TBCA: variants seen among roughly 807,000 people sequenced by gnomAD.
The protein encoded by TBCA is tubulin-specific chaperone A.
Under a neutral mutation model 15.8 loss-of-function variants are expected in TBCA, and 6 were observed. That is an observed-to-expected ratio of 0.38 (90% CI 0.21 to 0.75). The LOEUF is 0.75. Ranked by LOEUF, TBCA falls within the 30% of genes least tolerant of loss-of-function variation. The pLI is 0.46. For synonymous variants in TBCA, 32 were observed against 42.3 expected (o/e 0.76, Z 0.94); for missense variants, 90 against 131.2 (o/e 0.69, Z 1.53).
chr5:77,717,103 C>G (rs901470019), intron 1 of TBCA, among the ~76,000 whole-genome samples: 1 of 152,182 alleles, frequency 6.6e-6, no homozygotes, highest in African/African-American at 2.4e-5. Flanking sequence ...CCTAAAAAGA[C>G]AGGTCAATCT....
rs905036849 is a variant in TBCA at position 77,708,468 on chromosome 5, G to A, written c.54-121C>T. On this transcript the variant is annotated intron_variant, in intron 1 of 3. Coordinates refer to ENST00000380377, the MANE Select transcript of TBCA (RefSeq NM_004607.3). ...CCAAAGTAGATATACTAGATGGGGG[G>A]AGGAAGGAACAGAAGAAAAATAGTT... 4.5e-5 allele frequency: 26 copies of A among 581,724 alleles called. No individual in the cohort carries two copies. The African/African-American group carries it at 4.7e-4, about 11-fold the overall frequency. The allele number at this position is 581,724 out of a possible 1,614,324, so 36.0% of individuals were successfully genotyped here.
intron 1 of TBCA, among the ~76,000 whole-genome samples, chr5:77,775,844 C>G (rs1748008144): frequency 6.6e-6 from 1 of 152,216 alleles, no homozygotes; most frequent in South Asian, 2.1e-4. Context: ...CCAAGTTCAG[C>G]AAGGAGAGGC....
At chr5:77,696,353 C>T (rs192309145) in intron 2 of TBCA, among the ~76,000 whole-genome samples, 2 of 152,096 alleles carry the variant, frequency 1.3e-5, no homozygotes, top group Admixed American at 6.5e-5. Context: ...GTACTCACTT[C>T]TCAGGAAATC....
In TBCA at chr5:77,748,827, C is replaced by T. The variant is rs184397619; in HGVS notation, c.53+27378G>A. Among the ~76,000 whole-genome samples, 134 of 152,290 alleles carry T rather than the reference C, an allele frequency of 8.8e-4. 1 individual carries two copies. The highest frequency in any genetic ancestry group is 2.0e-3 in the Admixed American group (31 of 15,306). On this transcript the variant is annotated intron_variant, in intron 1 of 3. Coordinates refer to ENST00000380377, the MANE Select transcript of TBCA (RefSeq NM_004607.3). ...CATATTTTGTACGTTATATGTATTACATGCTGTATTCTTACAATAAAATAA... is the reference window on the plus strand; with the variant it reads ...CATATTTTGTACGTTATATGTATTATATGCTGTATTCTTACAATAAAATAA...
chr5:77,710,810 C>T (rs1192998935), intron 1 of TBCA, among the ~76,000 whole-genome samples: 4 of 152,142 alleles, frequency 2.6e-5, no homozygotes, highest in African/African-American at 9.7e-5. Context: ...ATTATCAACG[C>T]AACAGTATTA....
chr5:77,708,047 C>T (rs75792512), intron 2 of TBCA, among the ~76,000 whole-genome samples, 195 bp downstream of exon 2: 105 of 152,258 alleles, frequency 6.9e-4, no homozygotes, highest in African/African-American at 2.5e-3. Flanking sequence ...AAAACCTCAG[C>T]TGTGTCACTT....
chr5:77,703,429 G>T (rs1746071342), intron 2 of TBCA, among the ~76,000 whole-genome samples: 2 of 152,150 alleles, frequency 1.3e-5, no homozygotes, highest in African/African-American at 4.8e-5. Context: ...ATCAGAAGCA[G>T]AAGGCTAAAA....
intron 1 of TBCA, among the ~76,000 whole-genome samples, chr5:77,726,829 A>G (rs1746639844): frequency 6.6e-6 from 1 of 152,206 alleles, no homozygotes; most frequent in Admixed American, 6.5e-5. Context: ...TATAGTCTAT[A>G]TAGTGTTATT....
chr5:77,758,455 T>C (rs955626698), intron 1 of TBCA, among the ~76,000 whole-genome samples: 13 of 152,194 alleles, frequency 8.5e-5, no homozygotes, highest in Admixed American at 6.5e-4. Flanking sequence ...GACCCTTTCA[T>C]GTGAAATCTT....
At chr5:77,747,428 A>G (rs187715318) in intron 1 of TBCA, among the ~76,000 whole-genome samples, 1 of 152,274 alleles carries the variant, frequency 6.6e-6, no homozygotes. Context: ...CATAGAATCT[A>G]AACTTTTAGA....
At chr5:77,730,857 T>C (rs192273158) in intron 1 of TBCA, among the ~76,000 whole-genome samples, 77 of 152,366 alleles carry the variant, frequency 5.1e-4, no homozygotes, top group Admixed American at 3.7e-3. Context: ...GAATAGGTTA[T>C]AGAAGTTTTT....
intron 1 of TBCA, among the ~76,000 whole-genome samples, chr5:77,718,760 G>A (rs1039594877): frequency 2.0e-5 from 3 of 152,152 alleles, no homozygotes; most frequent in African/African-American, 7.2e-5. Context: ...AAACAAAAGT[G>A]TGCTACCCAG....
intron 1 of TBCA, among the ~76,000 whole-genome samples, chr5:77,733,554 G>A (rs1325773083): frequency 1.7e-4 from 26 of 152,304 alleles, no homozygotes; most frequent in African/African-American, 1.9e-4. Flanking sequence ...AATCCAGAGC[G>A]AGGCCTTAAC....
intron 1 of TBCA, among the ~76,000 whole-genome samples, chr5:77,771,989 T>C (rs1019795922): frequency 2.0e-5 from 3 of 151,490 alleles, no homozygotes; most frequent in African/African-American, 4.9e-5. Context: ...CTTCCGAAGA[T>C]AAATGAGGCT....
intron 1 of TBCA, among the ~76,000 whole-genome samples, chr5:77,713,820 C>A (rs980251561): frequency 6.6e-6 from 1 of 151,630 alleles, no homozygotes; most frequent in Non-Finnish European, 1.5e-5. Context: ...AAATGAAACA[C>A]CACAGGAAAA....
intron 1 of TBCA, among the ~76,000 whole-genome samples, chr5:77,749,287 T>C (rs1286205998): frequency 1.3e-5 from 2 of 152,250 alleles, no homozygotes; most frequent in Non-Finnish European, 2.9e-5. Flanking sequence ...TACAAAATTA[T>C]TACAGTAGTA....
intron 1 of TBCA, among the ~76,000 whole-genome samples, chr5:77,753,023 A>T (rs1229838556): frequency 6.7e-6 from 1 of 148,780 alleles, no homozygotes; most frequent in East Asian, 1.9e-4. Flanking sequence ...AGCAACTCTT[A>T]AAAAAAAATT....
intron 1 of TBCA, among the ~76,000 whole-genome samples, chr5:77,735,581 ATT>A (rs1746880563): frequency 6.6e-6 from 1 of 152,178 alleles, no homozygotes; most frequent in Non-Finnish European, 1.5e-5. Context: ...TCAACTGCTA[ATT>A]TTAGTCCATA....
At chr5:77,714,005 G>GAA (rs34199450) in intron 1 of TBCA, among the ~76,000 whole-genome samples, 1 of 137,348 alleles carries the variant, frequency 7.3e-6, no homozygotes, top group Non-Finnish European at 1.6e-5. Context: ...AGAATCCATT[G>GAA]AAAAAAAAAA....
Sources: gnomAD v4.1 joint callset for allele counts (sites outside exome capture counted in the v4.1 genomes callset) on GRCh38, gnomAD v4.1.1 for gene constraint, MANE v1.5 for transcripts, NCBI Gene and HGNC (gene_info 2026-07-23, HGNC 2026-07-21) for gene names.